Variants in CSMD1 observed in about 807,000 individuals in gnomAD.
The protein encoded by CSMD1 is CUB and Sushi multiple domains 1.
In CSMD1, 213 loss-of-function variants were observed where a neutral mutation model predicts 417.5. The observed-to-expected ratio is 0.51, with a 90% confidence interval of 0.46 to 0.57. CSMD1 has a LOEUF of 0.57. Ranked by LOEUF, CSMD1 falls within the 20% of genes least tolerant of loss-of-function variation. The pLI, the probability that CSMD1 is intolerant of heterozygous loss-of-function variation, is 0.00. For synonymous variants in CSMD1, 2,862 were observed against 1,736.8 expected, an observed-to-expected ratio of 1.65 and a Z score of -16.11; for missense variants, 6,923 against 4,529.7, an observed-to-expected ratio of 1.53 and a Z score of -15.17.
At chr8:4,726,643 A>C (rs529740848) in intron 1 of CSMD1, among the ~76,000 whole-genome samples, 3 of 152,178 alleles carry the variant, frequency 2.0e-5, no homozygotes, top group East Asian at 3.9e-4. Flanking sequence ...ATTTCAAGGT[A>C]CTTCATCATC....
intron 26 of CSMD1, among the ~76,000 whole-genome samples, chr8:3,273,809 G>T (rs1382721241): frequency 1.3e-5 from 2 of 152,006 alleles, no homozygotes; most frequent in African/African-American, 4.8e-5. Context: ...GTATCTATTT[G>T]ATTCCTCTCT....
intron 3 of CSMD1, among the ~76,000 whole-genome samples, chr8:4,197,159 TCTC>T (rs1469243278): frequency 3.3e-5 from 5 of 152,188 alleles, no homozygotes; most frequent in Non-Finnish European, 7.3e-5. Flanking sequence ...TATCACCTGT[TCTC>T]CTACGGTCAA....
At chr8:4,705,040 G>A (rs1396799109) in intron 1 of CSMD1, among the ~76,000 whole-genome samples, 1 of 152,140 alleles carries the variant, frequency 6.6e-6, no homozygotes, top group Non-Finnish European at 1.5e-5. Context: ...TTTTTCCCAT[G>A]CTGTTCTCAT....
At chr8:3,429,564 G>C (rs1410057847) in intron 12 of CSMD1, among the ~76,000 whole-genome samples, 2 of 152,118 alleles carry the variant, frequency 1.3e-5, no homozygotes, top group Admixed American at 6.6e-5. Context: ...TTCACTATGA[G>C]GTATTCGCAC....
At chr8:4,314,032 A>G (rs934409357) in intron 3 of CSMD1, among the ~76,000 whole-genome samples, 1 of 150,812 alleles carries the variant, frequency 6.6e-6, no homozygotes, top group Non-Finnish European at 1.5e-5. Flanking sequence ...AATAATAATA[A>G]TAATGATAAT....
chr8:3,380,689 T>G (rs1028117163), intron 18 of CSMD1, among the ~76,000 whole-genome samples: 1 of 152,082 alleles, frequency 6.6e-6, no homozygotes, highest in Non-Finnish European at 1.5e-5. Flanking sequence ...AGCTGAACAA[T>G]GAGAACACAT....
intron 26 of CSMD1, among the ~76,000 whole-genome samples, chr8:3,249,481 C>T (rs1374671595): frequency 6.6e-6 from 1 of 152,164 alleles, no homozygotes; most frequent in Non-Finnish European, 1.5e-5. Flanking sequence ...ACCTTGGCCT[C>T]CCAAAATGCT....
intron 3 of CSMD1, among the ~76,000 whole-genome samples, chr8:4,213,930 A>T (rs1167863326): frequency 6.6e-6 from 1 of 152,242 alleles, no homozygotes; most frequent in Non-Finnish European, 1.5e-5. Context: ...TTAATTAGAC[A>T]CTAGCATACG....
At chr8:3,682,245 T>A (rs553466465) in intron 7 of CSMD1, among the ~76,000 whole-genome samples, 30 of 151,984 alleles carry the variant, frequency 2.0e-4, no homozygotes, top group African/African-American at 6.8e-4. Flanking sequence ...ACCATCAGAG[T>A]GAACAGGCAA....
At chr8:3,650,439 G>C (rs1484388669) in intron 7 of CSMD1, among the ~76,000 whole-genome samples, 1 of 152,144 alleles carries the variant, frequency 6.6e-6, no homozygotes, top group Non-Finnish European at 1.5e-5. Context: ...ACTATGAATA[G>C]GAAAACTCAT....
At chr8:3,667,735 G>A (rs1382644707) in intron 7 of CSMD1, among the ~76,000 whole-genome samples, 2 of 152,176 alleles carry the variant, frequency 1.3e-5, no homozygotes, top group Non-Finnish European at 2.9e-5. Flanking sequence ...ATTAGAGAAA[G>A]TAAACAAGAG....
intron 1 of CSMD1, among the ~76,000 whole-genome samples, chr8:4,786,656 A>G (rs1797418302): frequency 6.6e-6 from 1 of 152,192 alleles, no homozygotes; most frequent in South Asian, 2.1e-4. Flanking sequence ...TCCAATCTAG[A>G]ATACGTTCTT....
chr8:4,727,762 G>T (rs1488938046), intron 1 of CSMD1, among the ~76,000 whole-genome samples: 1 of 151,512 alleles, frequency 6.6e-6, no homozygotes, highest in Non-Finnish European at 1.5e-5. Context: ...TCAGTTAAGG[G>T]CTGCTCTCTG....
At position 4,419,960 on chromosome 8, in the gene CSMD1, T is replaced by C. The variant is rs761644116; in HGVS notation, c.408A>G (p.Leu136=). 10 of 1,571,952 alleles carry C rather than the reference T, an allele frequency of 6.4e-6. No homozygotes were observed. Among genetic ancestry groups the C allele is most frequent in the Middle Eastern group, 3.3e-4 (2 of 6,026 alleles). Residue 136 remains leucine (L), a synonymous_variant, in exon 3 of 70, where the codon TTA becomes TTG. Transcript: ENST00000635120. ...FAVSAQGFKA[L]YEVLPSHTCG... ...ACACAACCAATCTCCTACCTTCATA[T>C]AATGCTTTGAAACCTTGGGCACTCA...
At chr8:4,765,048 T>C (rs1274999721) in intron 1 of CSMD1, among the ~76,000 whole-genome samples, 1 of 152,106 alleles carries the variant, frequency 6.6e-6, no homozygotes, top group Non-Finnish European at 1.5e-5. Context: ...TTCGCACCTA[T>C]GTAGAGAGCT....
At chr8:4,425,591 A>G (rs1797502777) in intron 2 of CSMD1, among the ~76,000 whole-genome samples, 1 of 152,100 alleles carries the variant, frequency 6.6e-6, no homozygotes, top group Non-Finnish European at 1.5e-5. Context: ...TGAAGACATG[A>G]AAGTACTTCT....
intron 12 of CSMD1, among the ~76,000 whole-genome samples, chr8:3,432,509 T>C (rs63157961): frequency 2.3e-5 from 1 of 43,166 alleles, no homozygotes. Context: ...CAATATGGGC[T>C]TTTTTTTTTT....
intron 7 of CSMD1, among the ~76,000 whole-genome samples, chr8:3,694,056 G>C (rs1054393496): frequency 6.0e-5 from 9 of 150,884 alleles, no homozygotes; most frequent in Admixed American, 2.7e-4. Context: ...TGTTGTGTTA[G>C]TGTGTGTGTG....
intron 50 of CSMD1, among the ~76,000 whole-genome samples, chr8:3,049,969 T>C (rs901349464): frequency 1.1e-4 from 17 of 152,096 alleles, no homozygotes; most frequent in African/African-American, 4.1e-4. Flanking sequence ...ACGAAAGCTC[T>C]GAAAATAAAA....
Sources: gnomAD v4.1 joint callset for allele counts (sites outside exome capture counted in the v4.1 genomes callset) on GRCh38, gnomAD v4.1.1 for gene constraint, MANE v1.5 for transcripts, NCBI Gene and HGNC (gene_info 2026-07-23, HGNC 2026-07-21) for gene names.